PTPRN2: variants seen among roughly 807,000 people sequenced by gnomAD.
PTPRN2 encodes receptor-type tyrosine-protein phosphatase N2.
A neutral mutation model predicts 118.8 loss-of-function variants in PTPRN2; 74 were observed. The observed-to-expected ratio is 0.62, with a 90% CI of 0.52 to 0.76. The LOEUF is 0.76. Among genes scored for constraint, PTPRN2 ranks in the 30% least tolerant of loss-of-function variants. PTPRN2 has a pLI of 0.00. For synonymous variants in PTPRN2, 641 were observed against 608.0 expected, an observed-to-expected ratio of 1.05 and a Z score of -0.80; for missense variants, 1,481 against 1,394.4, an observed-to-expected ratio of 1.06 and a Z score of -0.99.
chr7:158,270,665 G>A (rs1302108769), intron 3 of PTPRN2, among the ~76,000 whole-genome samples: 2 of 151,754 alleles, frequency 1.3e-5, no homozygotes, highest in African/African-American at 4.9e-5. Context: ...CCTTTACCTG[G>A]CTGTCCCTCT....
chr7:157,889,611 T>C (rs565208628), intron 12 of PTPRN2, among the ~76,000 whole-genome samples: 45 of 152,246 alleles, frequency 3.0e-4, no homozygotes, highest in Admixed American at 1.4e-3. Context: ...GGGATGCATT[T>C]TGCAAACATT....
chr7:158,564,544 G>T (rs1827562321), intron 1 of PTPRN2, among the ~76,000 whole-genome samples: 1 of 152,256 alleles, frequency 6.6e-6, no homozygotes, highest in African/African-American at 2.4e-5. Flanking sequence ...AGCAGCACGG[G>T]GCTAGGCAGT....
chr7:157,819,254 C>A (rs527416500), intron 12 of PTPRN2, among the ~76,000 whole-genome samples: 26 of 152,286 alleles, frequency 1.7e-4, no homozygotes, highest in African/African-American at 5.1e-4. Flanking sequence ...CCAAAGTGAG[C>A]CCTCACCCCC....
intron 11 of PTPRN2, among the ~76,000 whole-genome samples, chr7:158,043,267 C>G (rs955843488): frequency 2.0e-5 from 3 of 152,178 alleles, no homozygotes; most frequent in African/African-American, 7.2e-5. Flanking sequence ...TCTAAGGGAG[C>G]AAATCCCAGG....
At chr7:158,396,458 C>T (rs570045877) in intron 2 of PTPRN2, among the ~76,000 whole-genome samples, 199 of 149,316 alleles carry the variant, frequency 1.3e-3, no homozygotes, top group African/African-American at 4.0e-3. Context: ...TGTGTGCACG[C>T]GTGTACATGC....
At chr7:158,503,908 G>A (rs765969454) in intron 1 of PTPRN2, among the ~76,000 whole-genome samples, 13 of 152,118 alleles carry the variant, frequency 8.5e-5, no homozygotes, top group Admixed American at 2.6e-4. Context: ...GGCCAAGGCA[G>A]GAGAATCGCT....
chr7:157,850,067 T>A (rs1424519454), intron 12 of PTPRN2, among the ~76,000 whole-genome samples: 14 of 152,238 alleles, frequency 9.2e-5, no homozygotes, highest in Non-Finnish European at 2.1e-4. Context: ...TTAAATAAAT[T>A]GCCAGATAAA....
intron 9 of PTPRN2, among the ~76,000 whole-genome samples, chr7:158,120,542 T>A (rs1160760504): frequency 6.6e-6 from 1 of 152,200 alleles, no homozygotes; most frequent in African/African-American, 2.4e-5. Context: ...CAAAGCTCCT[T>A]TCTGCTCCCT....
At chr7:158,493,006 T>A (rs1821573742) in intron 1 of PTPRN2, among the ~76,000 whole-genome samples, 2 of 152,232 alleles carry the variant, frequency 1.3e-5, no homozygotes, top group Admixed American at 6.5e-5. Context: ...TGTGGGGCCC[T>A]TAACCTTGTG....
intron 22 of PTPRN2, among the ~76,000 whole-genome samples, chr7:157,542,539 G>C (rs188055392): frequency 0.015 from 2,280 of 151,814 alleles, 39 homozygotes; most frequent in African/African-American, 0.053. Context: ...GCTGCCCAGC[G>C]GCCTCTCAGG....
chr7:157,678,816 G>C (rs1419337155), intron 13 of PTPRN2, among the ~76,000 whole-genome samples: 1 of 152,144 alleles, frequency 6.6e-6, no homozygotes, highest in East Asian at 1.9e-4. Flanking sequence ...CCTCATGTCG[G>C]GGAAGGGAGA....
intron 12 of PTPRN2, among the ~76,000 whole-genome samples, chr7:157,809,636 C>A (rs115964250): frequency 0.019 from 2,966 of 152,238 alleles, 97 homozygotes; most frequent in African/African-American, 0.065. Flanking sequence ...CAGACACGCC[C>A]CGAGGACGGA....
At chr7:158,263,150 GCA>G (rs201693718) in intron 3 of PTPRN2, among the ~76,000 whole-genome samples, 3,506 of 135,640 alleles carry the variant, frequency 0.026, 45 homozygotes, top group Non-Finnish European at 0.036. Context: ...TTCACACACT[GCA>G]CACAGTCACA....
chr7:157,994,946 T>G (rs62476598), intron 11 of PTPRN2, among the ~76,000 whole-genome samples: 1 of 29,380 alleles, frequency 3.4e-5, no homozygotes, highest in African/African-American at 1.2e-4. Context: ...TACAACTCCT[T>G]GTTCCTAAAT....
At chr7:158,102,244 G>C (rs778341847) in intron 10 of PTPRN2, among the ~76,000 whole-genome samples, 3 of 152,194 alleles carry the variant, frequency 2.0e-5, no homozygotes, top group Non-Finnish European at 4.4e-5. Context: ...GGCCTTCCAC[G>C]TGCTGGACAG....
intron 17 of PTPRN2, among the ~76,000 whole-genome samples, chr7:157,594,925 G>A (rs1292392819): frequency 2.6e-5 from 4 of 152,202 alleles, no homozygotes; most frequent in African/African-American, 9.7e-5. Flanking sequence ...ATGGACAACA[G>A]GCACATTTCA....
At chr7:157,796,369 G>A (rs1175170009) in intron 12 of PTPRN2, among the ~76,000 whole-genome samples, 1 of 152,122 alleles carries the variant, frequency 6.6e-6, no homozygotes, top group Admixed American at 6.5e-5. Context: ...GGGCCTTGTG[G>A]GCTCTGAGCT....
At chr7:158,197,041 T>C (rs1413995660) in intron 4 of PTPRN2, among the ~76,000 whole-genome samples, 3 of 152,156 alleles carry the variant, frequency 2.0e-5, no homozygotes, top group Admixed American at 2.0e-4. Context: ...TGTGTGTGTG[T>C]GCGTGTGCAT....
At chr7:158,362,567 G>A (rs6459868) in intron 2 of PTPRN2, among the ~76,000 whole-genome samples, 141,043 of 152,290 alleles carry the variant, frequency 0.93, 65,364 homozygotes, top group Non-Finnish European at 0.94. Context: ...TGTCCCCTCT[G>A]CAAGGGACAA....
Sources: gnomAD v4.1 joint callset for allele counts (sites outside exome capture counted in the v4.1 genomes callset) on GRCh38, gnomAD v4.1.1 for gene constraint, MANE v1.5 for transcripts, NCBI Gene and HGNC (gene_info 2026-07-23, HGNC 2026-07-21) for gene names.